The following RBM17 variants were observed in gnomAD, a reference collection of about 807,000 sequenced individuals.
The protein encoded by RBM17 is RNA binding motif protein 17.
In RBM17, 7 loss-of-function variants were observed where a neutral mutation model predicts 53.2. That is an observed-to-expected ratio of 0.13 (90% CI 0.07 to 0.25). The LOEUF is 0.25. Ranked by LOEUF, RBM17 falls within the 10% of genes least tolerant of loss-of-function variation. The pLI, the probability that RBM17 is intolerant of heterozygous loss-of-function variation, is 1.00. For missense variants in RBM17, 257 were observed against 496.7 expected, an observed-to-expected ratio of 0.52 and a Z score of 4.59; for synonymous variants, 167 against 178.1, an observed-to-expected ratio of 0.94 and a Z score of 0.50.
Position 6,112,543 on chromosome 10 carries a change from C to A in RBM17, c.856+182C>A, listed in dbSNP as rs1840856370. On this transcript the variant is annotated intron_variant, in intron 8 of 11. Coordinates refer to ENST00000379888, the MANE Select transcript of RBM17 (RefSeq NM_032905.5). This position sits in a 1 kb window ranked among gnomAD's most constrained non-coding sequence, Gnocchi z 4.4. ...CTGTTCATATGATGCACTGCCACTT[C>A]CGTTTTGTGAAACCAGGAATCCTGA... 3.0e-6 allele frequency: 2 copies of A among 665,096 alleles called. No individual in the cohort carries two copies. The highest frequency in any genetic ancestry group is 3.6e-5 in the South Asian group (2 of 54,970). The allele number at this position is 665,096 out of a possible 1,614,324, so 41.2% of individuals were successfully genotyped here. A position where few individuals can be genotyped will look rare whatever the true frequency, so the allele number is the denominator to read the frequency against.
intron 3 of RBM17, among the ~76,000 whole-genome samples, chr10:6,102,258 C>G (rs573180157): frequency 1.4e-4 from 22 of 152,298 alleles, no homozygotes; most frequent in Non-Finnish European, 2.1e-4. Flanking sequence ...GCGCGCCTGT[C>G]CTCCCCACCA....
At chr10:6,099,259 A>G (rs1029598597) in intron 2 of RBM17, among the ~76,000 whole-genome samples, 1 of 149,724 alleles carries the variant, frequency 6.7e-6, no homozygotes, top group Non-Finnish European at 1.5e-5. Context: ...TGAGATTGCT[A>G]TGTACAGTTA....
intron 6 of RBM17, among the ~76,000 whole-genome samples, chr10:6,109,227 C>G (rs1840801728): frequency 6.6e-6 from 1 of 152,154 alleles, no homozygotes; most frequent in South Asian, 2.1e-4. Flanking sequence ...TCGCAGTGAT[C>G]TGCTCTAGAA....
chr10:6,108,596 G>C (rs1840790134), intron 5 of RBM17, 90 bp from the exon 6 acceptor site: 1 of 964,892 alleles, frequency 1.0e-6, no homozygotes, highest in Non-Finnish European at 1.6e-6. Flanking sequence ...TTTTCTTAGG[G>C]GGGTGGGTGA....
chr10:6,115,035 C>A, intron 10 of RBM17: 1 of 571,148 alleles, frequency 1.8e-6, no homozygotes, highest in Non-Finnish European at 3.1e-6. Context: ...GTGTTCCTGG[C>A]ACCTAACAAT....
At position 6,104,068 on chromosome 10, in the gene RBM17, C is replaced by T. The variant is rs185389435; in HGVS notation, c.241-863C>T. ...TTACAGATAATAACGAAGAATTATG[C>T]TAAGAACACTAACAGGAGAAAGTGT... On this transcript the variant is annotated intron_variant, in intron 3 of 11. Coordinates refer to ENST00000379888, the MANE Select transcript of RBM17 (RefSeq NM_032905.5). 1.8e-4 allele frequency among the ~76,000 whole-genome samples: 27 copies of T among 152,274 alleles called. No individual in the cohort carries two copies. In the East Asian group the frequency reaches 5.0e-3, roughly 28 times the overall value.
chr10:6,108,400 G>A, intron 5 of RBM17: 1 of 436,732 alleles, frequency 2.3e-6, no homozygotes, highest in Non-Finnish European at 4.1e-6. Flanking sequence ...TCTCTTGGTT[G>A]TATTGTTTTG....
At chr10:6,105,726 T>C (rs1224512776) in intron 4 of RBM17, among the ~76,000 whole-genome samples, 2 of 152,206 alleles carry the variant, frequency 1.3e-5, no homozygotes, top group Non-Finnish European at 2.9e-5. Flanking sequence ...GTAGTTCTTT[T>C]TAAAAATATT....
chr10:6,092,654 A>T (rs41295127), intron 1 of RBM17, among the ~76,000 whole-genome samples: 2,404 of 151,732 alleles, frequency 0.016, 29 homozygotes, highest in Admixed American at 0.024. Context: ...GTGTGAATGG[A>T]TGAGAGTGTG....
chr10:6,098,556 G>GGTTTTTGTTTTTTTTT (rs1840613398), intron 2 of RBM17, among the ~76,000 whole-genome samples: 11 of 87,974 alleles, frequency 1.3e-4, no homozygotes, highest in South Asian at 8.7e-4. Flanking sequence ...TAATACACAG[G>GGTTTTTGTTTTTTTTT]TTTTTTGTTT....
intron 2 of RBM17, among the ~76,000 whole-genome samples, chr10:6,098,445 G>T (rs1272239555): frequency 6.6e-6 from 1 of 151,294 alleles, no homozygotes; most frequent in Non-Finnish European, 1.5e-5. Flanking sequence ...AGGGAGGGAA[G>T]AACAGAACTA....
At chr10:6,098,563 G>GTCTT (rs1554834988) in intron 2 of RBM17, among the ~76,000 whole-genome samples, 3 of 46,666 alleles carry the variant, frequency 6.4e-5, no homozygotes, top group Non-Finnish European at 8.9e-5. Flanking sequence ...CAGGTTTTTT[G>GTCTT]TTTTTTTTTT....
At chr10:6,096,749 A>G (rs185953061) in intron 1 of RBM17, among the ~76,000 whole-genome samples, 2 of 152,318 alleles carry the variant, frequency 1.3e-5, no homozygotes, top group Non-Finnish European at 1.5e-5. Context: ...TATGTAATTA[A>G]TAATGTTCCA....
rs1840936033 is a variant in RBM17 at position 6,117,312 on chromosome 10, T to G, written c.*1756T>G. ...AGTTAGTGCTTTATTTATAATGAAT[T>G]TCTGATAGTCGAATAATTTCTAAAT... On this transcript the variant is annotated 3_prime_UTR_variant, in exon 12 of 12. Transcript: ENST00000379888. 6.6e-6 allele frequency: 1 copy of G among 152,222 alleles called. No homozygotes were observed. Among genetic ancestry groups the G allele is most frequent in the Non-Finnish European group, 1.5e-5 (1 of 68,042 alleles). The allele number at this position is 152,222 out of a possible 1,614,324, so 9.4% of individuals were successfully genotyped here. A position where few individuals can be genotyped will look rare whatever the true frequency, so the allele number is the denominator to read the frequency against.
chr10:6,108,577 T>C, intron 5 of RBM17, 109 bp from the exon 6 acceptor site: 1 of 743,936 alleles, frequency 1.3e-6, no homozygotes, highest in Non-Finnish European at 2.2e-6. Context: ...AGGTCCTCCT[T>C]TTTTAGTTTT....
intron 1 of RBM17, among the ~76,000 whole-genome samples, chr10:6,090,663 A>T (rs1407912010): frequency 1.3e-5 from 2 of 152,162 alleles, no homozygotes; most frequent in Admixed American, 1.3e-4. Flanking sequence ...CAGGGAACAG[A>T]TGATCCCAGG....
chr10:6,115,472 G>C lies in RBM17; in HGVS notation c.1122G>C (p.Gly374=), dbSNP rs775168507. ...TTTCAGCGGTTGTTGACTTGAATGG[G>C]AGGTATTTTGGTGGACGGGTGGTAA... ...SAIKAVVDLN[G]RYFGGRVVKA... is the part of the protein sequence containing the mutation. The change falls in exon 12 of 12, where the codon GGG becomes GGC. Residue 374 remains glycine, a synonymous_variant. Transcript: ENST00000379888. 5 of 1,613,550 alleles carry C rather than the reference G, an allele frequency of 3.1e-6. No homozygotes were observed. Among genetic ancestry groups the C allele is most frequent in the Middle Eastern group, 1.6e-4 (1 of 6,062 alleles).
Position 6,106,175 on chromosome 10 carries a change from G to A in RBM17, c.442G>A (p.Ala148Thr), listed in dbSNP as rs764751483. The stretch of plus-strand genomic sequence containing the variant: ...AGACAGACATGAAGCAAGTGGGTTT[G>A]CAAGGAGACCAGATCCAGATTCTGA... ...RKDRHEASGFARRPDPDSDED... is the reference protein window; with the variant it reads ...RKDRHEASGFTRRPDPDSDED... The change falls in exon 5 of 12, where the codon GCA becomes ACA. Residue 148 changes from alanine to threonine, a missense_variant. Physicochemically the swap from Ala to Thr is moderately conservative, Grantham distance 58. This residue lies in a region of RBM17 where 127 missense variants were observed against 217.2 expected (regional missense o/e 0.58). Coordinates refer to ENST00000379888, the MANE Select transcript of RBM17 (RefSeq NM_032905.5). 3.1e-6 allele frequency: 5 copies of A among 1,613,690 alleles called. No individual in the cohort carries two copies. The South Asian group carries it at 3.3e-5, about 11-fold the overall frequency.
chr10:6,104,143 C>T lies in RBM17; in HGVS notation c.241-788C>T, dbSNP rs544142124. 1.9e-4 allele frequency among the ~76,000 whole-genome samples: 29 copies of T among 152,220 alleles called. No individual in the cohort carries two copies. In the East Asian group the frequency reaches 4.4e-3, roughly 23 times the overall value. ...AGGGCTTCCAGCACCACGTGTAGAC[C>T]GAGGCTGCCAGCCTAGGGTAAAGTT... On this transcript the variant is annotated intron_variant, in intron 3 of 11. Coordinates refer to ENST00000379888, the MANE Select transcript of RBM17 (RefSeq NM_032905.5).
Sources: allele counts gnomAD v4.1 joint callset (sites outside exome capture counted in the v4.1 genomes callset), GRCh38; gene constraint gnomAD v4.1.1; regional missense constraint gnomAD v4.1.1; non-coding constraint Gnocchi (gnomAD v3.1); transcripts MANE v1.5; gene names NCBI Gene and HGNC (gene_info 2026-07-23, HGNC 2026-07-21).